The following SLC26A5 variants were observed in gnomAD, a reference collection of about 807,000 sequenced individuals.
SLC26A5 encodes the protein solute carrier family 26 member 5, also known as prestin.
SLC26A5 carries 51 observed loss-of-function variants against 81.0 expected under a neutral mutation model. The observed-to-expected ratio is 0.63, with a 90% CI of 0.50 to 0.80. SLC26A5 has a LOEUF of 0.80. Among genes scored for constraint, SLC26A5 ranks in the 30% least tolerant of loss-of-function variants. SLC26A5 has a pLI of 0.00. For synonymous variants in SLC26A5, 325 were observed against 332.8 expected (o/e 0.98, Z 0.25); for missense variants, 771 against 905.8 (o/e 0.85, Z 1.91).
intron 9 of SLC26A5, 100 bp from the exon 10 acceptor site, chr7:103,393,166 A>C: frequency 7.2e-7 from 1 of 1,396,634 alleles, no homozygotes; most frequent in Non-Finnish European, 9.9e-7. Context: ...CATTATCTGC[A>C]AATGAAGTAA....
chr7:103,423,834 A>G (rs569428538), intron 2 of SLC26A5, among the ~76,000 whole-genome samples: 9 of 152,294 alleles, frequency 5.9e-5, no homozygotes, highest in African/African-American at 2.2e-4. Context: ...AGAAATGGTA[A>G]ATCTGGAGGA....
At chr7:103,354,364 G>A (rs1257581134) in intron 19 of SLC26A5, among the ~76,000 whole-genome samples, 1 of 147,184 alleles carries the variant, frequency 6.8e-6, no homozygotes, top group South Asian at 2.2e-4. Flanking sequence ...TTTCACACAC[G>A]ATTTTTTTTT....
chr7:103,391,729 T>G lies in SLC26A5; in HGVS notation c.1126A>C (p.Ile376Leu), dbSNP rs866196186. 2 of 1,613,402 alleles carry G rather than the reference T, an allele frequency of 1.2e-6. No homozygotes were observed. Among genetic ancestry groups the G allele is most frequent in the East Asian group, 2.2e-5 (1 of 44,890 alleles). The change falls in exon 11 of 20, where the codon ATT becomes CTT. Residue 376 changes from isoleucine to leucine, a missense_variant. Coordinates refer to ENST00000306312, the MANE Select transcript of SLC26A5 (RefSeq NM_198999.3). ...ATGGAATTGCACAGTCCCAGGGCAA[T>G]GAGCTCCTTTCCCATGTAGAAACAA... ...GYQVDGNQEL[I>L]ALGLCNSIGS...
chr7:103,410,374 T>A lies in SLC26A5; in HGVS notation c.735+11A>T. On this transcript the variant is annotated intron_variant, in intron 7 of 19. Coordinates refer to ENST00000306312, the MANE Select transcript of SLC26A5 (RefSeq NM_198999.3). The stretch of plus-strand genomic sequence containing the variant: ...GAAAAGTACCAGAACGTCAGGTAGT[T>A]TCTTACTTACATACACCACGGAAAA... 2.5e-6 allele frequency: 4 copies of A among 1,611,542 alleles called. No homozygotes were observed. The highest frequency in any genetic ancestry group is 3.4e-6 in the Non-Finnish European group (4 of 1,177,692).
chr7:103,370,526 T>G (rs1820975301), downstream of SLC26A5, among the ~76,000 whole-genome samples: 2 of 152,186 alleles, frequency 1.3e-5, no homozygotes, highest in Admixed American at 6.5e-5. Flanking sequence ...GGTACTGTCT[T>G]TCTCTGCTAA....
At chr7:103,405,834 C>T (rs766366766) in intron 8 of SLC26A5, among the ~76,000 whole-genome samples, 2 of 152,180 alleles carry the variant, frequency 1.3e-5, no homozygotes, top group Non-Finnish European at 2.9e-5. Context: ...TATCTATAAG[C>T]CCCTGATTGT....
At chr7:103,363,335 C>G (rs374841935) in intron 19 of SLC26A5, 15 of 1,602,114 alleles carry the variant, frequency 9.4e-6, no homozygotes, top group Non-Finnish European at 1.2e-5. Context: ...ATTTCTGTCC[C>G]TCTCTTAGGT....
At chr7:103,363,334 CCTCT>C in intron 19 of SLC26A5, 1 of 1,599,252 alleles carries the variant, frequency 6.3e-7, no homozygotes, top group Non-Finnish European at 8.6e-7. Context: ...CATTTCTGTC[CCTCT>C]CTTAGGTGGA....
chr7:103,361,510 C>CAAA (rs759044767), intron 19 of SLC26A5, among the ~76,000 whole-genome samples: 53 of 50,980 alleles, frequency 1.0e-3, no homozygotes, highest in African/African-American at 2.1e-3. Flanking sequence ...AACTCCATCT[C>CAAA]AAAAAAAAAA....
At chr7:103,435,365 T>C (rs1826375920) in intron 2 of SLC26A5, among the ~76,000 whole-genome samples, 1 of 152,220 alleles carries the variant, frequency 6.6e-6, no homozygotes, top group Non-Finnish European at 1.5e-5. Flanking sequence ...CTTGGTTATA[T>C]AATTTCTTTA....
At chr7:103,384,906 C>T (rs913616514) in intron 14 of SLC26A5, among the ~76,000 whole-genome samples, 3 of 152,112 alleles carry the variant, frequency 2.0e-5, no homozygotes, top group African/African-American at 7.2e-5. Context: ...GTCTGTCATC[C>T]TTAGGACAAC....
chr7:103,434,723 C>T (rs1482921755), intron 2 of SLC26A5, among the ~76,000 whole-genome samples: 3 of 152,180 alleles, frequency 2.0e-5, no homozygotes, highest in African/African-American at 7.2e-5. Flanking sequence ...GCGACCTCAG[C>T]TCACTGAAAC....
chr7:103,388,971 C>T, intron 14 of SLC26A5, 37 bp downstream of exon 14: 2 of 1,449,674 alleles, frequency 1.4e-6, no homozygotes, highest in Non-Finnish European at 1.9e-6. Context: ...GTCATCTCTG[C>T]CGGGACATTC....
chr7:103,355,940 A>C, intron 19 of SLC26A5: 1 of 539,758 alleles, frequency 1.9e-6, no homozygotes, highest in Non-Finnish European at 3.2e-6. Flanking sequence ...TGGGGTTAAA[A>C]TTTTATGCCT....
chr7:103,397,632 G>A (rs1384363064), intron 9 of SLC26A5, among the ~76,000 whole-genome samples: 3 of 148,520 alleles, frequency 2.0e-5, no homozygotes, highest in Middle Eastern at 3.5e-3. Flanking sequence ...CAGCAGAATC[G>A]CTTCAACCTG....
intron 19 of SLC26A5, chr7:103,362,779 AAAGG>A (rs1820484410): frequency 1.3e-6 from 2 of 1,517,498 alleles, no homozygotes; most frequent in Non-Finnish European, 1.8e-6. Context: ...ATGGGAGGGA[AAAGG>A]AAGGCTATGT....
chr7:103,377,456 T>C, intron 18 of SLC26A5, 143 bp downstream of exon 18: 1 of 748,610 alleles, frequency 1.3e-6, no homozygotes, highest in Admixed American at 2.2e-5. Flanking sequence ...AAATCTTTAC[T>C]TCTATATATT....
At position 103,389,408 on chromosome 7, in the gene SLC26A5, A is replaced by G; in HGVS notation, c.1328T>C (p.Ile443Thr). 6.2e-7 allele frequency: 1 copy of G among 1,613,852 alleles called. No individual in the cohort carries two copies. Among genetic ancestry groups the G allele is most frequent in the Non-Finnish European group, 8.5e-7 (1 of 1,179,794 alleles). The stretch of plus-strand genomic sequence containing the variant: ...CATTCCCTTCAGGTTGACAATCACA[A>G]TGGCCGACAGCACAGCCTGAAACAG... ...ESLPQAVLSAIVIVNLKGMFM... is the reference protein window; with the variant it reads ...ESLPQAVLSATVIVNLKGMFM... Residue 443 changes from isoleucine to threonine, a missense_variant, in exon 13 of 20, where the codon ATT becomes ACT. Coordinates refer to ENST00000306312, the MANE Select transcript of SLC26A5 (RefSeq NM_198999.3).
intron 19 of SLC26A5, chr7:103,363,446 A>G: frequency 3.1e-6 from 5 of 1,598,860 alleles, no homozygotes; most frequent in Non-Finnish European, 4.3e-6. Context: ...TCATGTAAGT[A>G]GCTGAGTGTT....
Sources: allele counts gnomAD v4.1 joint callset (sites outside exome capture counted in the v4.1 genomes callset), GRCh38; gene constraint gnomAD v4.1.1; transcripts MANE v1.5; gene names NCBI Gene and HGNC (gene_info 2026-07-23, HGNC 2026-07-21).